The following MYH1 variants were observed in gnomAD, a reference collection of about 807,000 sequenced individuals.
MYH1 encodes the protein myosin heavy chain 1, also known as myosin-1.
A neutral mutation model predicts 225.6 loss-of-function variants in MYH1; 214 were observed. The ratio of observed to expected loss-of-function variants is 0.95; its 90% confidence interval spans 0.85 to 1.06. The LOEUF (loss-of-function observed/expected upper bound fraction) is 1.06, where lower values mean the gene tolerates loss of function less well. MYH1 is among the 50% of genes least tolerant of loss of function. MYH1 has a pLI of 0.00. For synonymous variants in MYH1, 774 were observed against 842.3 expected, an observed-to-expected ratio of 0.92 and a Z score of 1.40; for missense variants, 2,098 against 2,344.2, an observed-to-expected ratio of 0.89 and a Z score of 2.17.
chr17:10,513,774 C>T (rs2073196160), intron 8 of MYH1, 47 bp downstream of exon 8: 1 of 1,613,310 alleles, frequency 6.2e-7, no homozygotes, highest in Non-Finnish European at 8.5e-7. Context: ...CATGCTTTCT[C>T]TGGCATCTAA....
chr17:10,509,401 G>A, intron 15 of MYH1, 84 bp downstream of exon 15: 1 of 1,586,630 alleles, frequency 6.3e-7, no homozygotes, highest in Non-Finnish European at 8.6e-7. Flanking sequence ...GAAATATTTA[G>A]CCATTGCCTA....
At chr17:10,516,914 G>A (rs749333546) in intron 2 of MYH1, among the ~76,000 whole-genome samples, 4 of 152,138 alleles carry the variant, frequency 2.6e-5, no homozygotes, top group Non-Finnish European at 5.9e-5. Context: ...CTCACCTATT[G>A]CAGTCTCTTA....
intron 39 of MYH1, among the ~76,000 whole-genome samples, chr17:10,493,962 T>G (rs2072960870): frequency 6.6e-6 from 1 of 152,190 alleles, no homozygotes. Context: ...CAAATGCTCT[T>G]TTTAAAAAAT....
intron 17 of MYH1, 53 bp from the exon 18 acceptor site, chr17:10,506,152 A>G (rs1384329779): frequency 1.3e-6 from 2 of 1,594,810 alleles, no homozygotes; most frequent in Non-Finnish European, 1.7e-6. Flanking sequence ...TTCTACATTC[A>G]TATTTATAGA....
Position 10,500,385 on chromosome 17 carries a change from T to G in MYH1, c.3865+241A>C, listed in dbSNP as rs73974724. Among the ~76,000 whole-genome samples, 528 of 150,536 alleles carry G rather than the reference T, an allele frequency of 3.5e-3. 1 individual carries two copies. The highest frequency in any genetic ancestry group is 0.011 in the African/African-American group (453 of 41,148). ...CTTTATATATATATATATATGTATG[T>G]ATGGATATATATACAAATATATATA... On this transcript the variant is annotated intron_variant, in intron 28 of 39. Coordinates refer to ENST00000226207, the MANE Select transcript of MYH1 (RefSeq NM_005963.4).
At chr17:10,502,508 C>T (rs887426871) in intron 24 of MYH1, among the ~76,000 whole-genome samples, 3 of 152,130 alleles carry the variant, frequency 2.0e-5, no homozygotes, top group African/African-American at 7.2e-5. Flanking sequence ...CCTTCCTTTC[C>T]ATCAATTCTT....
At chr17:10,508,005 G>GT (rs377516000) in intron 16 of MYH1, 49 bp from the exon 17 acceptor site, 150,094 of 936,944 alleles carry the variant, frequency 0.16, 72 homozygotes, top group South Asian at 0.2. Context: ...TCTGGTTATG[G>GT]TTTTTTTTTT....
rs935551925 is a variant in MYH1, at chr17:10,502,736, A to C, written c.3111+2T>G. 1 of 1,614,204 alleles carries C rather than the reference A, an allele frequency of 6.2e-7. No homozygotes were observed. The highest frequency in any genetic ancestry group is 1.7e-5 in the Admixed American group (1 of 60,030). On this transcript the variant is annotated splice_donor_variant, in intron 24 of 39. Coordinates refer to ENST00000226207, the MANE Select transcript of MYH1 (RefSeq NM_005963.4). LOFTEE classifies it high-confidence loss of function. ...ATCATTTTTATATAATGTTAGGCTT[A>C]CATCATCCACTTGTTGTTCAAGTTT...
chr17:10,500,563 T>C, intron 28 of MYH1, 63 bp downstream of exon 28: 1 of 1,604,818 alleles, frequency 6.2e-7, no homozygotes, highest in Non-Finnish European at 8.5e-7. Context: ...TGCAGAGTTT[T>C]TCAGTGGATT....
intron 14 of MYH1, 91 bp from the exon 15 acceptor site, chr17:10,509,746 C>T: frequency 3.1e-6 from 5 of 1,606,682 alleles, no homozygotes; most frequent in Non-Finnish European, 4.3e-6. Flanking sequence ...AAATTGCCCT[C>T]TTAGGATGGT....
rs187447348 is a variant in MYH1 at position 10,499,117 on chromosome 17, C to T, written c.3866-25G>A. On this transcript the variant is annotated intron_variant, in intron 28 of 39. Transcript: ENST00000226207. ...CCTGTAAAAGACCAAGTCCAGAAAA[C>T]TCAACCTTACTTTGGAAATTAAAAC... is the stretch of plus-strand genomic sequence containing the variant. The T allele has an allele frequency of 3.8e-6, 6 of 1,568,810 alleles. No homozygotes were observed. In the African/African-American group the frequency reaches 5.4e-5, roughly 14 times the overall value.
intron 28 of MYH1, among the ~76,000 whole-genome samples, chr17:10,500,263 G>A (rs1012866004): frequency 6.6e-6 from 1 of 151,970 alleles, no homozygotes; most frequent in Non-Finnish European, 1.5e-5. Context: ...GTACTGTAAG[G>A]ATGCACTTTG....
intron 9 of MYH1, among the ~76,000 whole-genome samples, chr17:10,513,252 G>A (rs560288765): frequency 7.2e-4 from 109 of 152,142 alleles, no homozygotes; most frequent in Non-Finnish European, 1.0e-3. Context: ...GGGTCCTGTC[G>A]CCATATAATA....
Position 10,501,684 on chromosome 17 carries a change from C to G in MYH1, c.3258G>C (p.Lys1086Asn). The change falls in exon 26 of 40, where the codon AAG becomes AAC. Residue 1086 changes from lysine to asparagine, a missense_variant and splice_region_variant. Transcript: ENST00000226207. ...GCAGACCGCTCATTTCAAACTCTTT[C>G]CTATTAGAAAAGCCCTTTATGTCAG... Reference protein sequence around the residue: ...DKQQLDEKLKKKEFEMSGLQS... With the variant: ...DKQQLDEKLKNKEFEMSGLQS... 6.2e-7 allele frequency: 1 copy of G among 1,614,156 alleles called. No individual in the cohort carries two copies.
At chr17:10,501,529 C>T in intron 26 of MYH1, 30 bp from the exon 27 acceptor site, 1 of 1,614,204 alleles carries the variant, frequency 6.2e-7, no homozygotes, top group Non-Finnish European at 8.5e-7. Context: ...TTAATACGAA[C>T]TCAACTTCTT....
intron 18 of MYH1, 41 bp from the exon 19 acceptor site, chr17:10,505,970 A>G (rs777011406): frequency 7.1e-5 from 114 of 1,611,914 alleles, no homozygotes; most frequent in African/African-American, 1.2e-4. Flanking sequence ...GTGGTCTATC[A>G]CACACACACT....
chr17:10,506,744 T>G (rs936418427), intron 17 of MYH1, among the ~76,000 whole-genome samples: 1 of 152,144 alleles, frequency 6.6e-6, no homozygotes, highest in Non-Finnish European at 1.5e-5. Context: ...CCACCCGCCT[T>G]AGCCTCCCAA....
In MYH1 at chr17:10,498,641, T is replaced by C; in HGVS notation, c.4166A>G (p.Glu1389Gly). 1 of 1,613,996 alleles carries C rather than the reference T, an allele frequency of 6.2e-7. No homozygotes were observed. Among genetic ancestry groups the C allele is most frequent in the Non-Finnish European group, 8.5e-7 (1 of 1,179,884 alleles). ...TGGAACATACTTGGCCTCCTCCAGC[T>C]CCTCTGTGCGCTGGATGGCATCTGT... ...YETDAIQRTE[E>G]LEEAKKKLAQ... The change falls in exon 30 of 40, where the codon GAG (glutamate) becomes GGG (glycine). Residue 1389 changes from glutamate (E) to glycine (G), a missense_variant. Physicochemically the swap from Glu to Gly is moderately conservative, Grantham distance 98 (BLOSUM62 -2). Transcript: ENST00000226207.
intron 21 of MYH1, 45 bp downstream of exon 21, chr17:10,505,118 A>G: frequency 6.2e-7 from 1 of 1,612,958 alleles, no homozygotes; most frequent in Non-Finnish European, 8.5e-7. Context: ...AGCAGAATTA[A>G]AACACCTAAG....
Sources: gnomAD v4.1 joint callset for allele counts (sites outside exome capture counted in the v4.1 genomes callset) on GRCh38, gnomAD v4.1.1 for gene constraint, MANE v1.5 for transcripts, NCBI Gene and HGNC (gene_info 2026-07-23, HGNC 2026-07-21) for gene names.